Variants in G3BP2 observed in about 807,000 individuals in gnomAD.
The protein encoded by G3BP2 is ras GTPase-activating protein-binding protein 2.
A neutral mutation model predicts 56.7 loss-of-function variants in G3BP2; 11 were observed. That is an observed-to-expected ratio of 0.19 (90% CI 0.12 to 0.32). The LOEUF is 0.32. Ranked by LOEUF, G3BP2 falls within the 10% of genes least tolerant of loss-of-function variation. G3BP2 has a pLI of 1.00. For synonymous variants in G3BP2, 165 were observed against 191.6 expected (o/e 0.86, Z 1.15); for missense variants, 340 against 610.9 (o/e 0.56, Z 4.67).
rs532473197 is a variant in G3BP2 at position 75,703,332 on chromosome 4, C to A, written c.-25+17545G>T. ...AACCAGACAGCACTCCAGGACCAGA[C>A]ACTGCGGAGGCAGCAGCCAGCACCC... On this transcript the variant is annotated intron_variant, in intron 3 of 3. Transcript: ENST00000499709. 2.0e-5 allele frequency among the ~76,000 whole-genome samples: 3 copies of A among 152,302 alleles called. No individual in the cohort carries two copies. In the East Asian group the frequency reaches 5.8e-4, roughly 29 times the overall value.
At chr4:75,669,658 A>G (rs1472609028) in intron 1 of G3BP2, among the ~76,000 whole-genome samples, 2 of 152,140 alleles carry the variant, frequency 1.3e-5, no homozygotes, top group African/African-American at 2.4e-5. Flanking sequence ...TAATCACCTA[A>G]TATTATTCTC....
At chr4:75,718,054 T>C (rs1367249080) in intron 3 of G3BP2, among the ~76,000 whole-genome samples, 1 of 151,728 alleles carries the variant, frequency 6.6e-6, no homozygotes, top group Non-Finnish European at 1.5e-5. Context: ...CAGAATAGCT[T>C]GAACCTGGGA....
intron 3 of G3BP2, among the ~76,000 whole-genome samples, chr4:75,708,496 G>A (rs1215944397): frequency 6.6e-6 from 1 of 152,204 alleles, no homozygotes; most frequent in East Asian, 1.9e-4. Context: ...CTGTAGACTA[G>A]ATAATAATTC....
At chr4:75,659,007 C>T (rs749875711) in intron 2 of G3BP2, 83 bp from the exon 3 acceptor site, 83 of 1,022,616 alleles carry the variant, frequency 8.1e-5, no homozygotes, top group African/African-American at 1.6e-4. Context: ...GACTAGGTTC[C>T]GGATCCCGCT....
Position 75,644,150 on chromosome 4 carries a change from T to C in G3BP2, c.*1280A>G, listed in dbSNP as rs545717801. 1.3e-5 allele frequency: 2 copies of C among 152,756 alleles called. No homozygotes were observed. The highest frequency in any genetic ancestry group is 2.1e-4 in the South Asian group (1 of 4,832). 9.5% of individuals were successfully genotyped at this position (152,756 alleles called of 1,614,324 possible). On this transcript the variant is annotated 3_prime_UTR_variant, in exon 12 of 12. Transcript: ENST00000359707. ...TCACTTCAGGCTTACTTGCCATTTATAGAATCTGACTGCTTTTAAAATGTC... is the reference window on the plus strand; with the variant it reads ...TCACTTCAGGCTTACTTGCCATTTACAGAATCTGACTGCTTTTAAAATGTC...
intron 5 of G3BP2, 84 bp from the exon 6 acceptor site, chr4:75,655,954 G>T: frequency 4.0e-6 from 3 of 744,854 alleles, no homozygotes; most frequent in South Asian, 1.6e-5. Context: ...TTAAGGAAGT[G>T]GTATGATAGC....
At chr4:75,690,043 C>T (rs1718785775) in intron 3 of G3BP2, among the ~76,000 whole-genome samples, 1 of 152,116 alleles carries the variant, frequency 6.6e-6, no homozygotes, top group South Asian at 2.1e-4. Flanking sequence ...ATGGTTTATG[C>T]TTTTTTCTGT....
chr4:75,668,614 T>A (rs182107162), intron 1 of G3BP2, among the ~76,000 whole-genome samples: 1 of 152,212 alleles, frequency 6.6e-6, no homozygotes, highest in Non-Finnish European at 1.5e-5. Context: ...GGCACAAACA[T>A]AGTAGAGTCC....
chr4:75,654,959 A>C (rs1731977540), intron 7 of G3BP2, 107 bp downstream of exon 7: 4 of 750,168 alleles, frequency 5.3e-6, no homozygotes, highest in African/African-American at 5.3e-5. Flanking sequence ...CATATACATA[A>C]AATAATTTAC....
chr4:75,656,903 A>C, intron 5 of G3BP2, 21 bp downstream of exon 5: 5 of 1,143,186 alleles, frequency 4.4e-6, no homozygotes, highest in Non-Finnish European at 6.6e-6. Context: ...TTCTATCTTC[A>C]TATCTTCAAA....
At chr4:75,684,160 C>G (rs1198932712) in intron 3 of G3BP2, among the ~76,000 whole-genome samples, 1 of 152,094 alleles carries the variant, frequency 6.6e-6, no homozygotes, top group African/African-American at 2.4e-5. Context: ...AATCCCAGCA[C>G]TTTGGGAGGC....
Position 75,647,020 on chromosome 4 carries a change from A to G in G3BP2, c.1057+9T>C. ...TTTAAAAACTCCAACAGCAAAATAA[A>G]TCACTTACTCATGAAGAATTCCTTT... On this transcript the variant is annotated intron_variant, in intron 10 of 11. Coordinates refer to ENST00000359707, the MANE Select transcript of G3BP2 (RefSeq NM_203505.3). The G allele has an allele frequency of 6.4e-7, 1 of 1,557,348 alleles. No homozygotes were observed. Among genetic ancestry groups the G allele is most frequent in the Middle Eastern group, 1.7e-4 (1 of 5,892 alleles).
chr4:75,678,178 G>A (rs898417330), upstream of G3BP2, among the ~76,000 whole-genome samples: 1 of 152,112 alleles, frequency 6.6e-6, no homozygotes, highest in African/African-American at 2.4e-5. Context: ...TTTGAGACAG[G>A]TTCTTGCTTT....
intron 3 of G3BP2, among the ~76,000 whole-genome samples, chr4:75,698,925 G>C (rs1719225789): frequency 6.6e-6 from 1 of 151,830 alleles, no homozygotes; most frequent in African/African-American, 2.4e-5. Flanking sequence ...CAAACTCCTG[G>C]GCTCAAGACA....
intron 1 of G3BP2, among the ~76,000 whole-genome samples, chr4:75,669,484 G>A (rs1041776474): frequency 5.3e-5 from 8 of 152,032 alleles, no homozygotes; most frequent in Admixed American, 1.3e-4. Context: ...CCTGTATCAC[G>A]TGTAGTATAT....
At chr4:75,649,017 C>CAG in intron 8 of G3BP2, 1 of 235,814 alleles carries the variant, frequency 4.2e-6, no homozygotes, top group Non-Finnish European at 8.1e-6. Flanking sequence ...TATATCAACA[C>CAG]TGAAATAGCA....
intron 1 of G3BP2, among the ~76,000 whole-genome samples, chr4:75,668,546 G>A (rs1407155358): frequency 6.6e-6 from 1 of 152,000 alleles, no homozygotes; most frequent in Non-Finnish European, 1.5e-5. Flanking sequence ...ATATCAAATA[G>A]AGCTACTTAA....
At chr4:75,658,730 A>C in intron 3 of G3BP2, 113 bp downstream of exon 3, 1 of 764,804 alleles carries the variant, frequency 1.3e-6, no homozygotes, top group Non-Finnish European at 2.3e-6. Flanking sequence ...TCCGTCTCAA[A>C]AAAAAAAGAG....
At position 75,683,201 on chromosome 4, in the gene G3BP2, C is replaced by G. The variant is rs565769803; in HGVS notation, c.-24-21152G>C. 2.1e-4 allele frequency among the ~76,000 whole-genome samples: 32 copies of G among 152,204 alleles called. 1 individual carries two copies. In the South Asian group the frequency reaches 6.4e-3, roughly 31 times the overall value. ...GATCTGGCTCCATGGCAGCAAAATA[C>G]TTCTCTCTGCTTTACCTCAGCAGGA... On this transcript the variant is annotated intron_variant, in intron 3 of 3. Transcript: ENST00000499709.
Sources: allele counts gnomAD v4.1 joint callset (sites outside exome capture counted in the v4.1 genomes callset), GRCh38; gene constraint gnomAD v4.1.1; transcripts MANE v1.5; gene names NCBI Gene and HGNC (gene_info 2026-07-23, HGNC 2026-07-21).